Variants in TLE4 observed in about 807,000 individuals in gnomAD.
The protein encoded by TLE4 is TLE family member 4, transcriptional corepressor.
Under a neutral mutation model 92.8 loss-of-function variants are expected in TLE4, and 8 were observed. The observed-to-expected ratio is 0.09, with a 90% CI of 0.05 to 0.16. TLE4 has a LOEUF of 0.16. Among genes scored for constraint, TLE4 ranks in the 10% least tolerant of loss-of-function variants. The pLI is 1.00. For missense variants in TLE4, 675 were observed against 997.6 expected, an observed-to-expected ratio of 0.68 and a Z score of 4.36; for synonymous variants, 371 against 374.1, an observed-to-expected ratio of 0.99 and a Z score of 0.10.
intron 4 of TLE4, among the ~76,000 whole-genome samples, chr9:79,592,155 C>CTTCTTCTTCTTTCTTCTTTCTTCT (rs2042716336): frequency 6.8e-6 from 1 of 146,234 alleles, no homozygotes; most frequent in Non-Finnish European, 1.5e-5. Context: ...CTTCTTTCTT[C>CTTCTTCTTCTTTCTTCTTTCTTCT]TTCTTCTTCT....
intron 8 of TLE4, among the ~76,000 whole-genome samples, chr9:79,673,275 A>G (rs929386680): frequency 1.3e-5 from 2 of 152,196 alleles, no homozygotes; most frequent in Non-Finnish European, 2.9e-5. Context: ...TTGTTTTGGG[A>G]GATGTACAAA....
At chr9:79,572,858 G>C (rs1474030085) in intron 1 of TLE4, 23 bp downstream of exon 1, 1 of 1,591,678 alleles carries the variant, frequency 6.3e-7, no homozygotes, top group Non-Finnish European at 8.5e-7. Context: ...GGCGGGGCGC[G>C]GGCTCGCCGG....
chr9:79,653,022 A>G lies in TLE4; in HGVS notation c.592+228A>G, dbSNP rs187766844. On this transcript the variant is annotated intron_variant, in intron 7 of 19. Transcript: ENST00000376552. ...GAGGCAGAGGGGCCTATTTCTGGTT[A>G]TTGCCTTTGATTTCTTGCTACCTTC... The G allele has an allele frequency of 1.5e-5, 9 of 589,960 alleles. No individual in the cohort carries two copies. The Admixed American group carries it at 2.0e-4, about 13-fold the overall frequency. 36.5% of individuals were successfully genotyped at this position (589,960 alleles called of 1,614,324 possible). A position where few individuals can be genotyped will look rare whatever the true frequency, so the allele number is the denominator to read the frequency against.
intron 8 of TLE4, among the ~76,000 whole-genome samples, chr9:79,681,787 A>C (rs1199803923): frequency 6.6e-6 from 1 of 150,498 alleles, no homozygotes; most frequent in South Asian, 2.1e-4. Flanking sequence ...AGGGAGGAAG[A>C]GAGGGAGAGA....
intron 6 of TLE4, among the ~76,000 whole-genome samples, chr9:79,638,767 G>A (rs533287305): frequency 6.6e-6 from 1 of 152,224 alleles, no homozygotes; most frequent in African/African-American, 2.4e-5. Flanking sequence ...ACAGTTGAGA[G>A]GAAAAAACAG....
chr9:79,614,595 ATACT>A (rs2049075470), intron 5 of TLE4, among the ~76,000 whole-genome samples: 1 of 152,172 alleles, frequency 6.6e-6, no homozygotes, highest in African/African-American at 2.4e-5. Context: ...GAAAGGTGTC[ATACT>A]TAACTGTTGT....
At chr9:79,694,111 G>A (rs997499762) in intron 8 of TLE4, among the ~76,000 whole-genome samples, 22 of 152,304 alleles carry the variant, frequency 1.4e-4, no homozygotes, top group Middle Eastern at 3.4e-3. Context: ...TGCTGGCAGG[G>A]CAAGGGCGGA....
intron 2 of TLE4, chr9:79,574,285 T>C (rs2036977234): frequency 6.6e-6 from 1 of 152,340 alleles, no homozygotes; most frequent in Non-Finnish European, 1.5e-5. Flanking sequence ...CTTTGAGACA[T>C]TTTTCTTTAG....
At chr9:79,616,943 G>A (rs1379987818) in intron 5 of TLE4, among the ~76,000 whole-genome samples, 6 of 152,206 alleles carry the variant, frequency 3.9e-5, no homozygotes, top group Admixed American at 1.3e-4. Flanking sequence ...AATAAGGAGA[G>A]TAAGCCCACC....
intron 6 of TLE4, among the ~76,000 whole-genome samples, chr9:79,635,522 T>A (rs182037150): frequency 1.9e-4 from 29 of 152,118 alleles, no homozygotes; most frequent in Non-Finnish European, 3.4e-4. Context: ...CATTTAGGTC[T>A]ATAATTCAGT....
At chr9:79,656,638 G>A (rs2059821257) in intron 8 of TLE4, among the ~76,000 whole-genome samples, 1 of 152,128 alleles carries the variant, frequency 6.6e-6, no homozygotes, top group African/African-American at 2.4e-5. Flanking sequence ...GAGGATGTGG[G>A]CAATCTTATA....
At chr9:79,708,836 A>T (rs921566248) in intron 13 of TLE4, 50 bp downstream of exon 13, 12 of 1,543,478 alleles carry the variant, frequency 7.8e-6, no homozygotes, top group Non-Finnish European at 9.6e-6. Flanking sequence ...GAGGATTGTC[A>T]TGCTTGATTG....
intron 6 of TLE4, among the ~76,000 whole-genome samples, chr9:79,650,017 G>A (rs1034148352): frequency 4.0e-5 from 6 of 151,868 alleles, no homozygotes; most frequent in African/African-American, 1.2e-4. Flanking sequence ...CCTGGCTCAG[G>A]TGATTCTCCC....
At position 79,647,302 on chromosome 9, in the gene TLE4, A is replaced by C. The variant is rs370452641; in HGVS notation, c.391-5291A>C. 2.0e-5 allele frequency among the ~76,000 whole-genome samples: 3 copies of C among 152,316 alleles called. No individual in the cohort carries two copies. The East Asian group carries it at 5.8e-4, about 29-fold the overall frequency. ...CTCATTAAAAGCTTTGAATATATAG[A>C]GACATATGACCATAGTTTGAGTTCA... On this transcript the variant is annotated intron_variant, in intron 6 of 19. Coordinates refer to ENST00000376552, the MANE Select transcript of TLE4 (RefSeq NM_007005.6).
intron 14 of TLE4, among the ~76,000 whole-genome samples, chr9:79,711,210 T>A (rs1171637000): frequency 6.6e-6 from 1 of 152,202 alleles, no homozygotes; most frequent in African/African-American, 2.4e-5. Context: ...CCAAGTTGCT[T>A]GGTAAATATT....
chr9:79,598,248 CAAAAAAA>C (rs11460494), intron 4 of TLE4, among the ~76,000 whole-genome samples: 2 of 62,728 alleles, frequency 3.2e-5, no homozygotes, highest in Admixed American at 1.9e-4. Context: ...GACTCCGTCT[CAAAAAAA>C]AAAAAAAGAA....
intron 4 of TLE4, among the ~76,000 whole-genome samples, chr9:79,596,296 A>G (rs2043996521): frequency 1.3e-5 from 2 of 152,148 alleles, no homozygotes; most frequent in Admixed American, 6.5e-5. Context: ...TATTCTTTAT[A>G]CTTTACTACT....
At chr9:79,692,323 G>A (rs1329305538) in intron 8 of TLE4, among the ~76,000 whole-genome samples, 1 of 152,214 alleles carries the variant, frequency 6.6e-6, no homozygotes, top group Non-Finnish European at 1.5e-5. Flanking sequence ...AATTTTGACT[G>A]TGGAGAAGTG....
chr9:79,577,670 CTT>C (rs1184791752), intron 4 of TLE4, among the ~76,000 whole-genome samples: 1 of 152,024 alleles, frequency 6.6e-6, no homozygotes, highest in Non-Finnish European at 1.5e-5. Flanking sequence ...GTGTATGTCT[CTT>C]TTTTTGTCTG....
Sources: gnomAD v4.1 joint callset for allele counts (sites outside exome capture counted in the v4.1 genomes callset) on GRCh38, gnomAD v4.1.1 for gene constraint, MANE v1.5 for transcripts, NCBI Gene and HGNC (gene_info 2026-07-23, HGNC 2026-07-21) for gene names.